Variants in PTPRR observed in about 807,000 individuals in gnomAD.
PTPRR encodes the protein protein tyrosine phosphatase receptor type R, also known as receptor-type tyrosine-protein phosphatase R.
A neutral mutation model predicts 77.2 loss-of-function variants in PTPRR; 38 were observed. The ratio of observed to expected loss-of-function variants is 0.49; its 90% CI spans 0.38 to 0.65. The LOEUF is 0.65. Ranked by LOEUF, PTPRR falls within the 30% of genes least tolerant of loss-of-function variation. The pLI is 0.00. For missense variants in PTPRR, 744 were observed against 799.2 expected (o/e 0.93, Z 0.83); for synonymous variants, 299 against 283.1 (o/e 1.06, Z -0.57).
chr12:70,825,785 T>C (rs1423704789), intron 2 of PTPRR, among the ~76,000 whole-genome samples: 2 of 152,228 alleles, frequency 1.3e-5, no homozygotes, highest in Admixed American at 1.3e-4. Flanking sequence ...CCCTCAGTTA[T>C]CTAGCACTGT....
At chr12:70,892,593 T>G (rs1438923374) in intron 2 of PTPRR, 86 bp downstream of exon 2, 1 of 1,466,466 alleles carries the variant, frequency 6.8e-7, no homozygotes, top group African/African-American at 1.4e-5. Flanking sequence ...TGATAACTAT[T>G]CACAATCAGT....
rs767260522 is a variant in PTPRR, at chr12:70,910,542, T to C, written c.58+9791A>G. 4.0e-4 allele frequency among the ~76,000 whole-genome samples: 61 copies of C among 152,340 alleles called. 2 individuals are homozygous for C. The Middle Eastern group carries it at 0.01, about 25-fold the overall frequency. On this transcript the variant is annotated intron_variant, in intron 1 of 13. Coordinates refer to ENST00000283228, the MANE Select transcript of PTPRR (RefSeq NM_002849.4). ...TCTATTTGTCTTTTCCATATGAAATTCAATGCTTGTCTTGAGAGGAAGACT... is the reference window on the plus strand; with the variant it reads ...TCTATTTGTCTTTTCCATATGAAATCCAATGCTTGTCTTGAGAGGAAGACT...
intron 1 of PTPRR, among the ~76,000 whole-genome samples, chr12:70,913,868 A>G (rs12427404): frequency 0.024 from 3,723 of 152,298 alleles, 220 homozygotes; most frequent in East Asian, 0.17. Flanking sequence ...ATATGTATTC[A>G]TTCATTGAAC....
At chr12:70,813,184 T>A (rs1185858435) in intron 2 of PTPRR, among the ~76,000 whole-genome samples, 2 of 152,234 alleles carry the variant, frequency 1.3e-5, no homozygotes, top group Non-Finnish European at 2.9e-5. Context: ...ATCTTGTACA[T>A]GGACATTGGC....
At chr12:70,643,536 G>C (rs748810967) in intron 13 of PTPRR, among the ~76,000 whole-genome samples, 2 of 152,106 alleles carry the variant, frequency 1.3e-5, no homozygotes, top group African/African-American at 4.8e-5. Context: ...AGCTAGTACA[G>C]TGTCTGTATA....
chr12:70,747,655 G>GT (rs1890256511), intron 5 of PTPRR, among the ~76,000 whole-genome samples: 1 of 152,140 alleles, frequency 6.6e-6, no homozygotes, highest in Non-Finnish European at 1.5e-5. Flanking sequence ...AGAAACCTTT[G>GT]TAACATATTT....
chr12:70,830,295 A>C (rs1013363913), intron 2 of PTPRR, among the ~76,000 whole-genome samples: 4 of 152,192 alleles, frequency 2.6e-5, no homozygotes, highest in South Asian at 4.1e-4. Flanking sequence ...CAATAAAAGG[A>C]TATTTCTCAC....
intron 10 of PTPRR, among the ~76,000 whole-genome samples, chr12:70,666,041 G>A (rs150264279): frequency 1.3e-4 from 20 of 152,166 alleles, no homozygotes; most frequent in African/African-American, 4.3e-4. Context: ...ACTGACATAG[G>A]CTCAGAGATT....
chr12:70,763,925 C>G (rs1038618816), intron 3 of PTPRR, among the ~76,000 whole-genome samples: 3 of 151,744 alleles, frequency 2.0e-5, no homozygotes, highest in Non-Finnish European at 4.4e-5. Flanking sequence ...TCCCAAACAC[C>G]GAGGAAAGAG....
chr12:70,887,575 CATTT>C (rs1273673314), intron 2 of PTPRR, among the ~76,000 whole-genome samples: 6 of 152,220 alleles, frequency 3.9e-5, no homozygotes, highest in African/African-American at 1.2e-4. Context: ...TGTTATTTGA[CATTT>C]ATTTATTAAT....
intron 2 of PTPRR, among the ~76,000 whole-genome samples, chr12:70,780,155 C>A (rs559447950): frequency 1.4e-4 from 21 of 152,154 alleles, no homozygotes; most frequent in East Asian, 1.9e-4. Flanking sequence ...CCATGCCCAG[C>A]TAGTTTTCGT....
At chr12:70,822,229 T>C (rs1892028762) in intron 2 of PTPRR, among the ~76,000 whole-genome samples, 1 of 152,132 alleles carries the variant, frequency 6.6e-6, no homozygotes, top group Non-Finnish European at 1.5e-5. Flanking sequence ...GTATAAAACC[T>C]GAACAGTCTG....
At chr12:70,733,427 CAAAAAA>C (rs764791536) in intron 6 of PTPRR, among the ~76,000 whole-genome samples, 1 of 27,058 alleles carries the variant, frequency 3.7e-5, no homozygotes, top group African/African-American at 1.2e-4. Flanking sequence ...CAAACAACAA[CAAAAAA>C]AAAAAAAAAA....
intron 2 of PTPRR, among the ~76,000 whole-genome samples, chr12:70,854,941 G>A (rs1377069756): frequency 6.6e-6 from 1 of 152,096 alleles, no homozygotes; most frequent in Non-Finnish European, 1.5e-5. Flanking sequence ...TATTAATATC[G>A]GCAGGCAGGG....
At chr12:70,803,732 G>A (rs754446600) in intron 2 of PTPRR, among the ~76,000 whole-genome samples, 13 of 152,124 alleles carry the variant, frequency 8.5e-5, no homozygotes, top group Non-Finnish European at 1.8e-4. Flanking sequence ...CCTATCAGAA[G>A]GCAGGTCAGT....
At chr12:70,890,579 T>A (rs907597036) in intron 2 of PTPRR, among the ~76,000 whole-genome samples, 10 of 152,010 alleles carry the variant, frequency 6.6e-5, no homozygotes, top group African/African-American at 2.4e-4. Flanking sequence ...AGTTTAGAGG[T>A]TGAGTGTAGC....
At chr12:70,786,014 A>T (rs1891314587) in intron 2 of PTPRR, among the ~76,000 whole-genome samples, 1 of 151,808 alleles carries the variant, frequency 6.6e-6, no homozygotes, top group Admixed American at 6.6e-5. Context: ...AGTATTTCTC[A>T]TGCTGATGGC....
At chr12:70,773,353 T>C (rs1190404732) in intron 2 of PTPRR, among the ~76,000 whole-genome samples, 1 of 152,196 alleles carries the variant, frequency 6.6e-6, no homozygotes, top group African/African-American at 2.4e-5. Context: ...GTCAGAATTC[T>C]GAGGAAAGAA....
At chr12:70,798,501 C>T (rs12827660) in intron 2 of PTPRR, among the ~76,000 whole-genome samples, 96,695 of 152,118 alleles carry the variant, frequency 0.64, 34,733 homozygotes, top group South Asian at 0.83. Context: ...CTCCACAGCT[C>T]ACCCTGGTTT....
Sources: gnomAD v4.1 joint callset for allele counts (sites outside exome capture counted in the v4.1 genomes callset) on GRCh38, gnomAD v4.1.1 for gene constraint, MANE v1.5 for transcripts, NCBI Gene and HGNC (gene_info 2026-07-23, HGNC 2026-07-21) for gene names.